The following TMEM156 variants were observed in gnomAD, a reference collection of about 807,000 sequenced individuals.
TMEM156 encodes the protein transmembrane protein 156.
In TMEM156, 28 loss-of-function variants were observed where a neutral mutation model predicts 30.5. The observed-to-expected ratio is 0.92, with a 90% confidence interval of 0.68 to 1.26. The LOEUF (loss-of-function observed/expected upper bound fraction) is 1.26. TMEM156 is among the 50% of genes most tolerant of loss of function. The probability of loss-of-function intolerance (pLI) is 0.00; values close to 1 mark genes in which losing one functional copy is unlikely to be tolerated. For synonymous variants in TMEM156, 137 were observed against 119.9 expected, an observed-to-expected ratio of 1.14 and a Z score of -0.93; for missense variants, 351 against 340.6, an observed-to-expected ratio of 1.03 and a Z score of -0.24.
chr4:38,968,122 A>C (rs1177201048), intron 6 of TMEM156, among the ~76,000 whole-genome samples: 3 of 152,212 alleles, frequency 2.0e-5, no homozygotes, highest in Admixed American at 6.5e-5. Flanking sequence ...CATTGTGCTC[A>C]GTGATAACAA....
chr4:39,021,300 G>T (rs1197248114), intron 1 of TMEM156, among the ~76,000 whole-genome samples: 1 of 151,380 alleles, frequency 6.6e-6, no homozygotes, highest in Non-Finnish European at 1.5e-5. Flanking sequence ...GCTATTCAGG[G>T]GGCTGAGGTG....
At chr4:38,984,537 A>G (rs1560360488) in intron 5 of TMEM156, among the ~76,000 whole-genome samples, 1 of 152,000 alleles carries the variant, frequency 6.6e-6, no homozygotes. Context: ...CTGCATCTCC[A>G]GAGAACCATG....
intron 1 of TMEM156, among the ~76,000 whole-genome samples, chr4:39,031,766 C>G (rs1042785432): frequency 1.3e-5 from 2 of 151,486 alleles, no homozygotes; most frequent in African/African-American, 2.4e-5. Context: ...CGCCTGTAAT[C>G]CCAGCTACTC....
At chr4:38,972,507 T>C (rs901586282) in intron 5 of TMEM156, among the ~76,000 whole-genome samples, 1 of 151,632 alleles carries the variant, frequency 6.6e-6, no homozygotes, top group African/African-American at 2.4e-5. Flanking sequence ...TGCCTCGGCC[T>C]CCCAAAGTGC....
At position 39,027,548 on chromosome 4, in the gene TMEM156, T is replaced by C. The variant is rs529618107; in HGVS notation, c.88+4678A>G. ...GTCTGAGGTGTTTTCATCTATACTA[T>C]TCCTTTTTTTTTTTTTTTTTTTTTT... On this transcript the variant is annotated intron_variant, in intron 1 of 6. Transcript: ENST00000381938. Among the ~76,000 whole-genome samples, 128 of 134,574 alleles carry C rather than the reference T, an allele frequency of 9.5e-4. 1 individual carries two copies. The highest frequency in any genetic ancestry group is 3.3e-3 in the African/African-American group (119 of 36,260). The allele number at this position is 134,574 out of a possible 152,430, so 88.3% of individuals were successfully genotyped here.
intron 5 of TMEM156, among the ~76,000 whole-genome samples, chr4:38,977,647 CAG>C (rs374299395): frequency 8.8e-4 from 134 of 152,310 alleles, no homozygotes; most frequent in African/African-American, 3.0e-3. Context: ...TAGAAACAGT[CAG>C]AAATATTTTA....
intron 1 of TMEM156, among the ~76,000 whole-genome samples, chr4:39,021,704 AT>A (rs1053657899): frequency 6.6e-6 from 1 of 152,224 alleles, no homozygotes; most frequent in Admixed American, 6.5e-5. Context: ...AACCAAAAAA[AT>A]AATTGCCTAG....
intron 1 of TMEM156, among the ~76,000 whole-genome samples, chr4:39,007,687 G>A (rs1176543696): frequency 6.6e-6 from 1 of 152,064 alleles, no homozygotes. Flanking sequence ...TTAATCTCCT[G>A]ACCTTGTGAT....
intron 3 of TMEM156, among the ~76,000 whole-genome samples, chr4:38,990,842 T>TGTTTTTTTTTTG (rs1560365395): frequency 7.5e-6 from 1 of 132,886 alleles, no homozygotes; most frequent in African/African-American, 2.8e-5. Context: ...TTTTTTTTTT[T>TGTTTTTTTTTTG]TTTTTTTTTT....
At chr4:39,018,497 C>T (rs1436861055) in intron 1 of TMEM156, among the ~76,000 whole-genome samples, 5 of 152,050 alleles carry the variant, frequency 3.3e-5, no homozygotes, top group Non-Finnish European at 7.3e-5. Flanking sequence ...TCTCCTAAAG[C>T]TAATTATTTA....
chr4:38,975,107 A>C (rs1039051844), intron 5 of TMEM156, among the ~76,000 whole-genome samples: 10 of 152,228 alleles, frequency 6.6e-5, no homozygotes, highest in African/African-American at 2.4e-4. Context: ...ATTTCTTCTT[A>C]CCCTTTAGAC....
chr4:38,993,442 C>G (rs752705469), intron 3 of TMEM156, among the ~76,000 whole-genome samples: 15 of 144,856 alleles, frequency 1.0e-4, no homozygotes, highest in Non-Finnish European at 1.5e-4. Flanking sequence ...AAACAACCAC[C>G]ACCACCCCAC....
chr4:38,995,488 G>A (rs1010145297), intron 2 of TMEM156, among the ~76,000 whole-genome samples: 6 of 152,158 alleles, frequency 3.9e-5, no homozygotes, highest in East Asian at 1.9e-4. Flanking sequence ...AGGCCAAGGC[G>A]GGTGGATCAC....
intron 3 of TMEM156, among the ~76,000 whole-genome samples, chr4:38,993,100 C>G (rs1712661189): frequency 1.3e-5 from 2 of 151,376 alleles, no homozygotes; most frequent in Admixed American, 6.6e-5. Context: ...CTTTAGTACA[C>G]AAATATGGTG....
At chr4:39,010,780 C>A (rs934459132) in intron 1 of TMEM156, among the ~76,000 whole-genome samples, 5 of 152,060 alleles carry the variant, frequency 3.3e-5, no homozygotes, top group Non-Finnish European at 7.4e-5. Context: ...GATTAAAGAT[C>A]TAAATGTAAG....
At chr4:39,005,760 A>G (rs1386879945) in intron 1 of TMEM156, among the ~76,000 whole-genome samples, 1 of 152,224 alleles carries the variant, frequency 6.6e-6, no homozygotes, top group South Asian at 2.1e-4. Flanking sequence ...CTACTCTGAA[A>G]ATTGATGAAC....
intron 5 of TMEM156, among the ~76,000 whole-genome samples, chr4:38,972,242 A>ATTTTTTTTTT (rs144479056): frequency 1.7e-4 from 13 of 75,816 alleles, no homozygotes; most frequent in East Asian, 4.3e-4. Flanking sequence ...TTCTCTGGGA[A>ATTTTTTTTTT]TTTTTTTTTT....
In TMEM156 at chr4:39,007,708, C is replaced by T. The variant is rs139491202; in HGVS notation, c.89-8799G>A. 2.8e-3 allele frequency among the ~76,000 whole-genome samples: 424 copies of T among 152,208 alleles called. 2 individuals are homozygous for T. Among genetic ancestry groups the T allele is most frequent in the African/African-American group, 9.4e-3 (391 of 41,530 alleles). On this transcript the variant is annotated intron_variant, in intron 1 of 6. Transcript: ENST00000381938. Reference sequence around the variant, plus strand: ...TCCTGACCTTGTGATCTGCCTGCCTCGGCCTCCCAAAGTGCTGAGATTACA... The same window carrying T: ...TCCTGACCTTGTGATCTGCCTGCCTTGGCCTCCCAAAGTGCTGAGATTACA...
chr4:38,994,579 C>T (rs371967810), intron 2 of TMEM156, among the ~76,000 whole-genome samples: 1 of 152,140 alleles, frequency 6.6e-6, no homozygotes, highest in East Asian at 1.9e-4. Flanking sequence ...ATGGTCACAA[C>T]AATATTTCCC....
Sources: allele counts gnomAD v4.1 joint callset (sites outside exome capture counted in the v4.1 genomes callset), GRCh38; gene constraint gnomAD v4.1.1; transcripts MANE v1.5; gene names NCBI Gene and HGNC (gene_info 2026-07-23, HGNC 2026-07-21).